UGT1A10: variants seen among roughly 807,000 people sequenced by gnomAD.
UGT1A10 encodes UDP glucuronosyltransferase family 1 member A10, also known as UDP-glucuronosyltransferase 1A10.
UGT1A10 carries 49 observed loss-of-function variants against 45.8 expected under a neutral mutation model. The observed-to-expected ratio is 1.07, with a 90% CI of 0.85 to 1.36. UGT1A10 has a LOEUF of 1.36. Among genes scored for constraint, UGT1A10 ranks in the 40% most tolerant of loss-of-function variants. The probability of loss-of-function intolerance (pLI) is 0.00; values close to 1 mark genes in which losing one functional copy is unlikely to be tolerated. For synonymous variants in UGT1A10, 284 were observed against 249.7 expected, an observed-to-expected ratio of 1.14 and a Z score of -1.29; for missense variants, 745 against 668.6, an observed-to-expected ratio of 1.11 and a Z score of -1.26.
Position 233,743,419 on chromosome 2 carries a change from G to A in UGT1A10, c.856-23615G>A, listed in dbSNP as rs577178509. The A allele has an allele frequency of 1.8e-5, 24 of 1,337,466 alleles. No individual in the cohort carries two copies. In the East Asian group the frequency reaches 1.2e-3, roughly 65 times the overall value. The allele number at this position is 1,337,466 out of a possible 1,614,324, so 82.8% of individuals were successfully genotyped here. On this transcript the variant is annotated intron_variant, in intron 1 of 4. Transcript: ENST00000344644. ...GGAAGAAAGGCCCCCACTTCCCAGG[G>A]AGCCAAAGGAACGAAATCCTGTATC... is the stretch of plus-strand genomic sequence containing the variant.
chr2:233,715,209 C>T (rs920759938), intron 1 of UGT1A10, among the ~76,000 whole-genome samples: 4 of 152,060 alleles, frequency 2.6e-5, no homozygotes, highest in African/African-American at 9.7e-5. Context: ...TTTAAAAGAC[C>T]CTCTACTGAA....
chr2:233,730,024 T>A (rs1022627544), intron 1 of UGT1A10: 1 of 1,613,646 alleles, frequency 6.2e-7, no homozygotes, highest in Non-Finnish European at 8.5e-7. Flanking sequence ...CCAATCAATG[T>A]TCCAGGCAAA....
intron 1 of UGT1A10, among the ~76,000 whole-genome samples, chr2:233,667,984 C>CA (rs1240948114): frequency 6.6e-6 from 1 of 152,074 alleles, no homozygotes; most frequent in Non-Finnish European, 1.5e-5. Flanking sequence ...AGCAAGGGTG[C>CA]AAAAAATTGC....
intron 1 of UGT1A10, chr2:233,671,925 C>T (rs1163568942): frequency 6.3e-7 from 1 of 1,597,426 alleles, no homozygotes; most frequent in East Asian, 2.2e-5. Context: ...CTCTCAGCTG[C>T]AGTTCTCTGA....
chr2:233,713,574 C>A (rs1477870335), intron 1 of UGT1A10: 4 of 1,613,856 alleles, frequency 2.5e-6, no homozygotes, highest in Non-Finnish European at 3.4e-6. Context: ...CTCCTATATT[C>A]CTAGATTACT....
rs1049544264 is a variant in UGT1A10 at position 233,721,928 on chromosome 2, T to C, written c.856-45106T>C. 6 of 384,478 alleles carry C rather than the reference T, an allele frequency of 1.6e-5. No homozygotes were observed. The East Asian group carries it at 4.4e-4, about 28-fold the overall frequency. The allele number at this position is 384,478 out of a possible 1,614,324, so 23.8% of individuals were successfully genotyped here. A position where few individuals can be genotyped will look rare whatever the true frequency, so the allele number is the denominator to read the frequency against. ...TGCACACTGCTTCCATAAAGTGACATCCTTCAGACACTTGGTGGCTCTTTG... is the reference window on the plus strand; with the variant it reads ...TGCACACTGCTTCCATAAAGTGACACCCTTCAGACACTTGGTGGCTCTTTG... On this transcript the variant is annotated intron_variant, in intron 1 of 4. Transcript: ENST00000344644.
intron 1 of UGT1A10, among the ~76,000 whole-genome samples, chr2:233,640,495 A>G (rs570219885): frequency 6.6e-6 from 1 of 152,292 alleles, no homozygotes; most frequent in East Asian, 1.9e-4. Flanking sequence ...GCCCATAATT[A>G]ATTTACCTCC....
chr2:233,756,134 A>G (rs1696129657), intron 1 of UGT1A10: 1 of 152,248 alleles, frequency 6.6e-6, no homozygotes, highest in African/African-American at 2.4e-5. Flanking sequence ...TTCTCCTGAA[A>G]AATTACTGGG....
intron 1 of UGT1A10, chr2:233,729,460 A>G: frequency 1.2e-6 from 2 of 1,614,116 alleles, no homozygotes; most frequent in Non-Finnish European, 1.7e-6. Flanking sequence ...GAAATTTTTC[A>G]GAAGTATGGC....
At chr2:233,755,288 C>T in intron 1 of UGT1A10, 1 of 652,734 alleles carries the variant, frequency 1.5e-6, no homozygotes, top group Non-Finnish European at 2.4e-6. Flanking sequence ...GCCAAAGAGC[C>T]TGCGGGGCAC....
chr2:233,730,367 A>T (rs2078022058), intron 1 of UGT1A10, among the ~76,000 whole-genome samples: 1 of 152,122 alleles, frequency 6.6e-6, no homozygotes, highest in Admixed American at 6.5e-5. Context: ...TGCTAGCATG[A>T]TTTTCAGGGG....
At chr2:233,648,672 G>T in intron 1 of UGT1A10, 2 of 323,756 alleles carry the variant, frequency 6.2e-6, no homozygotes, top group Admixed American at 7.1e-5. Context: ...CACCGTGTTA[G>T]CCAGGATGGT....
In UGT1A10 at chr2:233,760,531, C is replaced by T. The variant is rs1397137648; in HGVS notation, c.856-6503C>T. 4 of 1,614,130 alleles carry T rather than the reference C, an allele frequency of 2.5e-6. No homozygotes were observed. Among genetic ancestry groups the T allele is most frequent in the Non-Finnish European group, 3.4e-6 (4 of 1,180,056 alleles). ...TTACACCTTGAAGACGTACCCTGTG[C>T]CATTCCAAAGGGAGGATGTGAAAGA... is the stretch of plus-strand genomic sequence containing the variant. On this transcript the variant is annotated intron_variant, in intron 1 of 4. Coordinates refer to ENST00000344644, the MANE Select transcript of UGT1A10 (RefSeq NM_019075.4).
At chr2:233,741,857 T>C (rs1691796983) in intron 1 of UGT1A10, 1 of 151,956 alleles carries the variant, frequency 6.6e-6, no homozygotes, top group Non-Finnish European at 1.5e-5. Flanking sequence ...TCATGCCTTA[T>C]GCAAACCTTT....
intron 1 of UGT1A10, chr2:233,755,019 T>C (rs1378423497): frequency 1.5e-6 from 2 of 1,304,298 alleles, no homozygotes; most frequent in South Asian, 2.3e-5. Flanking sequence ...GAAGGGGTCC[T>C]TGAAGGGCCT....
intron 1 of UGT1A10, chr2:233,752,367 A>G (rs1694954220): frequency 1.3e-5 from 2 of 152,220 alleles, no homozygotes; most frequent in Admixed American, 1.3e-4. Context: ...AGGGGTCTCA[A>G]GAGGGTCATC....
chr2:233,682,815 C>T (rs1223109916), intron 1 of UGT1A10: 1 of 1,581,258 alleles, frequency 6.3e-7, no homozygotes, highest in Non-Finnish European at 8.6e-7. Flanking sequence ...CCCTTTAGCA[C>T]ATTAAGAATA....
At chr2:233,679,517 C>T (rs1008354483) in intron 1 of UGT1A10, among the ~76,000 whole-genome samples, 4 of 152,250 alleles carry the variant, frequency 2.6e-5, no homozygotes, top group Middle Eastern at 3.4e-3. Flanking sequence ...TGGTTTTCTT[C>T]CTTGCCAATA....
At chr2:233,693,313 A>G (rs370458841) in intron 1 of UGT1A10, 16 of 1,614,100 alleles carry the variant, frequency 9.9e-6, no homozygotes, top group Non-Finnish European at 1.4e-5. Context: ...CTGAGCGATC[A>G]TTCCTAACTG....
Sources: gnomAD v4.1 joint callset for allele counts (sites outside exome capture counted in the v4.1 genomes callset) on GRCh38, gnomAD v4.1.1 for gene constraint, MANE v1.5 for transcripts, NCBI Gene and HGNC (gene_info 2026-07-23, HGNC 2026-07-21) for gene names.